The following KPNA1 variants were observed in gnomAD, a reference collection of about 807,000 sequenced individuals.
The protein encoded by KPNA1 is importin subunit alpha-5.
Under a neutral mutation model 70.5 loss-of-function variants are expected in KPNA1, and 10 were observed. The observed-to-expected ratio is 0.14, with a 90% confidence interval of 0.09 to 0.24. The LOEUF (loss-of-function observed/expected upper bound fraction) is 0.24, where lower values mean the gene tolerates loss of function less well. KPNA1 is among the 10% of genes least tolerant of loss of function. The pLI, the probability that KPNA1 is intolerant of heterozygous loss-of-function variation, is 1.00. For missense variants in KPNA1, 397 were observed against 637.9 expected, an observed-to-expected ratio of 0.62 and a Z score of 4.07; for synonymous variants, 192 against 221.9, an observed-to-expected ratio of 0.87 and a Z score of 1.20.
chr3:122,504,909 C>G (rs1170900028), intron 1 of KPNA1, among the ~76,000 whole-genome samples: 1 of 151,752 alleles, frequency 6.6e-6, no homozygotes, highest in Non-Finnish European at 1.5e-5. Flanking sequence ...TTGGGAGAGA[C>G]TCTTTTTTTT....
chr3:122,508,233 A>T (rs557802809), intron 1 of KPNA1, among the ~76,000 whole-genome samples: 3 of 152,342 alleles, frequency 2.0e-5, no homozygotes, highest in African/African-American at 7.2e-5. Flanking sequence ...TAAAATAGAC[A>T]AATTATATGT....
At chr3:122,486,073 A>T (rs1472504208) in intron 2 of KPNA1, among the ~76,000 whole-genome samples, 1 of 152,214 alleles carries the variant, frequency 6.6e-6, no homozygotes, top group African/African-American at 2.4e-5. Flanking sequence ...AACAGTTGAC[A>T]GCTCCTAAGT....
chr3:122,459,751 G>C, intron 5 of KPNA1: 2 of 985,418 alleles, frequency 2.0e-6, no homozygotes, highest in South Asian at 4.7e-5. Context: ...AAGAAAAACT[G>C]ATGTGACATT....
At chr3:122,456,916 T>C (rs2076270885) in intron 5 of KPNA1, among the ~76,000 whole-genome samples, 1 of 152,186 alleles carries the variant, frequency 6.6e-6, no homozygotes, top group Admixed American at 6.5e-5. Flanking sequence ...ACACACAGGG[T>C]GCTGATTACT....
rs200609980 is a variant in KPNA1, at chr3:122,427,005, T to C, written c.1597A>G (p.Met533Val). 14 of 1,614,138 alleles carry C rather than the reference T, an allele frequency of 8.7e-6. No homozygotes were observed. The Admixed American group carries it at 1.5e-4, about 17-fold the overall frequency. ...QYIFQQCEAPMEGFQL is the reference protein window; with the variant it reads ...QYIFQQCEAPVEGFQL ...TTGCTTCAAAGCTGGAAACCTTCCA[T>C]AGGAGCCTCACACTGTTGGAAGATG... is the stretch of plus-strand genomic sequence containing the variant. Residue 533 changes from methionine (M) to valine (V), a missense_variant, in exon 14 of 14, where the codon ATG becomes GTG. Physicochemically the swap from Met to Val is conservative, Grantham distance 21. Transcript: ENST00000344337.
At chr3:122,488,936 G>A (rs560315965) in intron 2 of KPNA1, among the ~76,000 whole-genome samples, 49 of 151,956 alleles carry the variant, frequency 3.2e-4, no homozygotes, top group African/African-American at 1.1e-3. Flanking sequence ...AAAGGTTTTC[G>A]GCCATTACTT....
chr3:122,442,961 G>C (rs1156859053), intron 9 of KPNA1: 1 of 152,274 alleles, frequency 6.6e-6, no homozygotes, highest in African/African-American at 2.4e-5. Flanking sequence ...TTGGACAGTG[G>C]GTGCAGCCCA....
chr3:122,481,792 T>C (rs1172341016), intron 2 of KPNA1, among the ~76,000 whole-genome samples: 1 of 152,212 alleles, frequency 6.6e-6, no homozygotes, highest in South Asian at 2.1e-4. Flanking sequence ...TATCAGAAAG[T>C]AGGTAATTTC....
At position 122,494,816 on chromosome 3, in the gene KPNA1, C is replaced by T. The variant is rs1194072647; in HGVS notation, c.129+1621G>A. Among the ~76,000 whole-genome samples, 4 of 152,164 alleles carry T rather than the reference C, an allele frequency of 2.6e-5. No homozygotes were observed. In the East Asian group the frequency reaches 7.7e-4, roughly 29 times the overall value. ...TGAACATCGTGTTAATCAAAGAGTG[C>T]CACTGCTACACCTTCAAATGGTGTT... On this transcript the variant is annotated intron_variant, in intron 2 of 13. Coordinates refer to ENST00000344337, the MANE Select transcript of KPNA1 (RefSeq NM_002264.4).
At chr3:122,442,764 C>T (rs2076081024) in intron 9 of KPNA1, 1 of 152,216 alleles carries the variant, frequency 6.6e-6, no homozygotes, top group African/African-American at 2.4e-5. Flanking sequence ...AGACCGATCA[C>T]TCTTCTAAAA....
At chr3:122,492,407 T>C (rs2076710718) in intron 2 of KPNA1, among the ~76,000 whole-genome samples, 2 of 152,186 alleles carry the variant, frequency 1.3e-5, no homozygotes, top group African/African-American at 2.4e-5. Context: ...TGCACTGTCC[T>C]ACAGAAATAT....
intron 2 of KPNA1, among the ~76,000 whole-genome samples, chr3:122,477,087 A>C (rs1385859569): frequency 1.3e-5 from 2 of 152,144 alleles, no homozygotes; most frequent in Non-Finnish European, 2.9e-5. Flanking sequence ...CAACAGACCG[A>C]CGTTCTTAAA....
chr3:122,464,350 G>T (rs1380103173), intron 3 of KPNA1: 1 of 217,734 alleles, frequency 4.6e-6, no homozygotes, highest in Non-Finnish European at 8.9e-6. Context: ...AAAATTAAAT[G>T]TTAAGTTTTA....
In KPNA1 at chr3:122,422,901, ACTT is replaced by A. The variant is rs1401072229; in HGVS notation, c.*4081_*4083del. ...CCCTTAGTTGAAAACAGAACGGAAC[ACTT>A]CTTTTCTTTCTTCTTACCCCAAGCT... On this transcript the variant is annotated 3_prime_UTR_variant, in exon 14 of 14. Coordinates refer to ENST00000344337, the MANE Select transcript of KPNA1 (RefSeq NM_002264.4). 6.6e-6 allele frequency: 1 copy of A among 152,240 alleles called. No individual in the cohort carries two copies. The highest frequency in any genetic ancestry group is 1.9e-4 in the East Asian group (1 of 5,204). The allele number at this position is 152,240 out of a possible 1,614,324, so 9.4% of individuals were successfully genotyped here. A position where few individuals can be genotyped will look rare whatever the true frequency, so the allele number is the denominator to read the frequency against.
intron 5 of KPNA1, chr3:122,459,307 A>T: frequency 2.6e-6 from 1 of 391,824 alleles, no homozygotes; most frequent in Non-Finnish European, 3.5e-6. Flanking sequence ...ATCTATATTT[A>T]ATGCATAAAA....
In KPNA1 at chr3:122,467,402, C is replaced by A. The variant is rs1473598243; in HGVS notation, c.157G>T (p.Ala53Ser). ...QLFKRRNVATAEEETEEEVMS... is the reference protein window; with the variant it reads ...QLFKRRNVATSEEETEEEVMS... ...ACTTCTTCTTCTGTTTCTTCTTCTG[C>A]TGTAGCAACATTTCTCCGCTTGAAT... Residue 53 changes from alanine (A) to serine (S), a missense_variant, in exon 3 of 14, where the codon GCA (alanine) becomes TCA (serine). By Grantham distance (99) the Ala-to-Ser change is moderately conservative. Coordinates refer to ENST00000344337, the MANE Select transcript of KPNA1 (RefSeq NM_002264.4). 5 of 1,609,300 alleles carry A rather than the reference C, an allele frequency of 3.1e-6. No homozygotes were observed. The highest frequency in any genetic ancestry group is 4.2e-6 in the Non-Finnish European group (5 of 1,176,808).
chr3:122,503,410 A>T (rs1485878269), intron 1 of KPNA1, among the ~76,000 whole-genome samples: 1 of 152,218 alleles, frequency 6.6e-6, no homozygotes, highest in Admixed American at 6.5e-5. Flanking sequence ...AAAAATCTAA[A>T]AGGAAAGAAA....
chr3:122,483,490 G>A lies in KPNA1; in HGVS notation c.129+12947C>T, dbSNP rs146427850. Among the ~76,000 whole-genome samples the A allele has an allele frequency of 4.6e-3, 703 of 151,972 alleles. 9 individuals carry two copies. The highest frequency in any genetic ancestry group is 0.016 in the African/African-American group (675 of 41,434). ...CTCACAAGTAGCTGGGATTACAGGC[G>A]CCCACTACCACACCTGGCTAATTTT... is the stretch of plus-strand genomic sequence containing the variant. On this transcript the variant is annotated intron_variant, in intron 2 of 13. Coordinates refer to ENST00000344337, the MANE Select transcript of KPNA1 (RefSeq NM_002264.4).
chr3:122,487,041 A>C (rs563346675), intron 2 of KPNA1, among the ~76,000 whole-genome samples: 8 of 152,332 alleles, frequency 5.3e-5, no homozygotes, highest in African/African-American at 1.7e-4. Context: ...AGCGAATAAA[A>C]GCAGAAGGAA....
Sources: gnomAD v4.1 joint callset for allele counts (sites outside exome capture counted in the v4.1 genomes callset) on GRCh38, gnomAD v4.1.1 for gene constraint, MANE v1.5 for transcripts, NCBI Gene and HGNC (gene_info 2026-07-23, HGNC 2026-07-21) for gene names.